DNAAF8: variants seen among roughly 807,000 people sequenced by gnomAD.
The protein encoded by DNAAF8 is dynein axonemal-associated protein 1.
DNAAF8 carries 61 observed loss-of-function variants against 54.6 expected under a neutral mutation model. The ratio of observed to expected loss-of-function variants is 1.12; its 90% CI spans 0.91 to 1.38. The LOEUF is 1.38. DNAAF8 is among the 40% of genes most tolerant of loss of function. The pLI is 0.00. For missense variants in DNAAF8, 837 were observed against 665.0 expected, an observed-to-expected ratio of 1.26 and a Z score of -2.85; for synonymous variants, 320 against 270.1, an observed-to-expected ratio of 1.18 and a Z score of -1.81.
intron 7 of DNAAF8, 152 bp from the exon 8 acceptor site, chr16:4,746,775 C>T: frequency 1.3e-6 from 1 of 794,258 alleles, no homozygotes; most frequent in African/African-American, 1.8e-5. Flanking sequence ...CACACCTGTC[C>T]TCACCTCCTG....
intron 3 of DNAAF8, 80 bp downstream of exon 3, chr16:4,738,026 C>T: frequency 3.4e-6 from 5 of 1,472,106 alleles, no homozygotes; most frequent in Non-Finnish European, 4.6e-6. Flanking sequence ...ACTGTTCTAG[C>T]ATTTCCACGA....
rs200704525 is a variant in DNAAF8 at position 4,747,597 on chromosome 16, C to G, written c.1535C>G (p.Ala512Gly). 4.3e-6 allele frequency: 7 copies of G among 1,609,752 alleles called. No individual in the cohort carries two copies. The East Asian group carries it at 1.3e-4, about 31-fold the overall frequency. The change falls in exon 9 of 10, where the codon GCC becomes GGC. Residue 512 changes from alanine to glycine, a missense_variant. Ala to Gly is a moderately conservative substitution (Grantham distance 60). Transcript: ENST00000299320. ...DVPEPGAAREALMPPLEQL is the reference protein window; with the variant it reads ...DVPEPGAAREGLMPPLEQL Reference sequence around the variant, plus strand: ...CCTGAGCCAGGGGCAGCCAGGGAGGCCCTGATGCCTCCTCTGGAGCAACTA... The same window carrying G: ...CCTGAGCCAGGGGCAGCCAGGGAGGGCCTGATGCCTCCTCTGGAGCAACTA...
chr16:4,747,302 C>T, intron 8 of DNAAF8, 41 bp from the exon 9 acceptor site: 1 of 1,519,490 alleles, frequency 6.6e-7, no homozygotes, highest in Non-Finnish European at 8.8e-7. Context: ...GGAGGGGCGG[C>T]CCCCACGGGG....
chr16:4,744,660 C>T (rs149813511), intron 5 of DNAAF8, among the ~76,000 whole-genome samples: 2 of 152,138 alleles, frequency 1.3e-5, no homozygotes, highest in East Asian at 3.9e-4. Context: ...TGCCACAGGC[C>T]CTGCTCATAA....
chr16:4,747,309 G>A lies in DNAAF8; in HGVS notation c.1281-34G>A, dbSNP rs370017246. 222 of 1,526,156 alleles carry A rather than the reference G, an allele frequency of 1.5e-4. No individual in the cohort carries two copies. The East Asian group carries it at 1.9e-3, about 13-fold the overall frequency. 94.5% of individuals were successfully genotyped at this position (1,526,156 alleles called of 1,614,324 possible). A position where few individuals can be genotyped will look rare whatever the true frequency, so the allele number is the denominator to read the frequency against. The stretch of plus-strand genomic sequence containing the variant: ...GAGGGCTGGGAGGGGCGGCCCCCAC[G>A]GGGTTGAGTGAATTTGGTCTCATTG... On this transcript the variant is annotated intron_variant, in intron 8 of 9. Coordinates refer to ENST00000299320, the MANE Select transcript of DNAAF8 (RefSeq NM_139170.3).
At chr16:4,745,087 A>G in intron 6 of DNAAF8, 76 bp downstream of exon 6, 3 of 1,530,116 alleles carry the variant, frequency 2.0e-6, no homozygotes, top group Non-Finnish European at 2.7e-6. Context: ...GACTGGGCCT[A>G]CCAAGGGCGG....
At chr16:4,745,922 C>T (rs1223799796) in intron 6 of DNAAF8, among the ~76,000 whole-genome samples, 3 of 140,876 alleles carry the variant, frequency 2.1e-5, no homozygotes, top group African/African-American at 7.7e-5. Flanking sequence ...CACTGCAGTC[C>T]AGCCTGGGCG....
rs750857372 is a variant in DNAAF8 at position 4,743,080 on chromosome 16, G to C, written c.821G>C (p.Ser274Thr). Residue 274 changes from serine (S) to threonine (T), a missense_variant, in exon 5 of 10, where the codon AGT becomes ACT. Ser to Thr is a moderately conservative substitution (Grantham distance 58, BLOSUM62 1). Transcript: ENST00000299320. ...EAWDLDDILQ[S>T]LAGQEDNQGN... Reference sequence around the variant, plus strand: ...TGGGATTTGGATGACATCCTTCAGAGTCTGGCGGGACAAGAAGACAACCAG... The same window carrying C: ...TGGGATTTGGATGACATCCTTCAGACTCTGGCGGGACAAGAAGACAACCAG... 12 of 1,612,530 alleles carry C rather than the reference G, an allele frequency of 7.4e-6. No homozygotes were observed. The highest frequency in any genetic ancestry group is 1.0e-5 in the Non-Finnish European group (12 of 1,179,282).
At position 4,737,914 on chromosome 16, in the gene DNAAF8, T is replaced by C. The variant is rs1348998976; in HGVS notation, c.244T>C (p.Trp82Arg). ...DPADGDKSRA[W>R]VAAAEESLPE... ...TGCCGATGGCGACAAGTCCAGGGCC[T>C]GGGTCGCTGCAGCTGAAGAGTCCCT... The change falls in exon 3 of 10, where the codon TGG (tryptophan) becomes CGG (arginine). Residue 82 changes from tryptophan to arginine, a missense_variant. By Grantham distance (101) the Trp-to-Arg change is moderately radical. Coordinates refer to ENST00000299320, the MANE Select transcript of DNAAF8 (RefSeq NM_139170.3). The C allele has an allele frequency of 6.2e-7, 1 of 1,614,218 alleles. No individual in the cohort carries two copies. Among genetic ancestry groups the C allele is most frequent in the East Asian group, 2.2e-5 (1 of 44,880 alleles).
rs775139625 is a variant in DNAAF8, at chr16:4,740,447, C to G, written c.571C>G (p.Gln191Glu). ...PKAEPLSTAS[Q>E]ESVNRRALRQ... is the part of the protein sequence containing the mutation. ...GGCAGAGCCCCTCAGCACTGCCTCA[C>G]AAGAATCTGTGAACCGCCGGGCCCT... The change falls in exon 4 of 10, where the codon CAA becomes GAA. Residue 191 changes from glutamine (Q) to glutamate (E), a missense_variant. Coordinates refer to ENST00000299320, the MANE Select transcript of DNAAF8 (RefSeq NM_139170.3). 1.9e-6 allele frequency: 3 copies of G among 1,613,876 alleles called. No homozygotes were observed. The East Asian group carries it at 6.7e-5, about 36-fold the overall frequency.
intron 6 of DNAAF8, chr16:4,746,111 AACTTAGCCACTTGTGCCAAGTGGCTAC>A (rs1352722757): frequency 1.0e-5 from 4 of 393,322 alleles, no homozygotes; most frequent in South Asian, 5.4e-5. Flanking sequence ...CTTAAATGTA[AACTTAGCCACTTGTGCCAAGTGGCTAC>A]ACTTACCACA....
Position 4,744,878 on chromosome 16 carries a change from G to C in DNAAF8, c.910G>C (p.Val304Leu), listed in dbSNP as rs986740864. ...ADHRQVQDRM[V>L]PSAHNRLMEQ... ...CCTTTGGCCATCCTCAGACCGCATG[G>C]TGCCGAGCGCCCACAACAGGCTCAT... The change falls in exon 6 of 10, where the codon GTG (valine) becomes CTG (leucine). Residue 304 changes from valine (V) to leucine (L), a missense_variant. Coordinates refer to ENST00000299320, the MANE Select transcript of DNAAF8 (RefSeq NM_139170.3). The C allele has an allele frequency of 3.1e-6, 5 of 1,612,976 alleles. No homozygotes were observed. The highest frequency in any genetic ancestry group is 4.2e-6 in the Non-Finnish European group (5 of 1,179,542).
chr16:4,747,135 C>G, intron 8 of DNAAF8, 110 bp downstream of exon 8: 1 of 1,238,848 alleles, frequency 8.1e-7, no homozygotes, highest in South Asian at 1.5e-5. Context: ...GCTGCACCCA[C>G]CGCACAGGGT....
chr16:4,736,667 A>G (rs199680776), intron 2 of DNAAF8, 24 bp downstream of exon 2: 2 of 1,535,088 alleles, frequency 1.3e-6, no homozygotes, highest in Non-Finnish European at 1.8e-6. Context: ...CTCTCCCTGG[A>G]TGCCTTGTCC....
At position 4,735,606 on chromosome 16, in the gene DNAAF8, T is replaced by C. The variant is rs142831083; in HGVS notation, c.-51-858T>C. Among the ~76,000 whole-genome samples, 229 of 148,760 alleles carry C rather than the reference T, an allele frequency of 1.5e-3. 1 individual carries two copies. The highest frequency in any genetic ancestry group is 5.2e-3 in the African/African-American group (210 of 40,172). Reference sequence around the variant, plus strand: ...CCATCTCCTTTAAGACTCTAAGATATAAATGCAGGGGCTGGTCAGAGTAGT... The same window carrying C: ...CCATCTCCTTTAAGACTCTAAGATACAAATGCAGGGGCTGGTCAGAGTAGT... On this transcript the variant is annotated intron_variant, in intron 1 of 9. Coordinates refer to ENST00000299320, the MANE Select transcript of DNAAF8 (RefSeq NM_139170.3).
chr16:4,737,639 CCGGATCTCCCCCAGGCTCCTGAG>C (rs1352908461), intron 2 of DNAAF8, among the ~76,000 whole-genome samples, 138 bp from the exon 3 acceptor site: 5 of 152,212 alleles, frequency 3.3e-5, no homozygotes, highest in African/African-American at 1.2e-4. Context: ...TGGGAGAGAA[CCGGATCTCCCCCAGGCTCCTGAG>C]CAGCAGGGCT....
In DNAAF8 at chr16:4,747,589, C is replaced by T; in HGVS notation, c.1527C>T (p.Ala509=). 1.9e-6 allele frequency: 3 copies of T among 1,610,510 alleles called. No homozygotes were observed. The highest frequency in any genetic ancestry group is 2.5e-6 in the Non-Finnish European group (3 of 1,179,194). The part of the protein sequence containing the change: ...ALGDVPEPGA[A]REALMPPLEQ... ...GGGATGTTCCTGAGCCAGGGGCAGC[C>T]AGGGAGGCCCTGATGCCTCCTCTGG... The change falls in exon 9 of 10, where the codon GCC becomes GCT. Residue 509 remains alanine (A), a synonymous_variant. Coordinates refer to ENST00000299320, the MANE Select transcript of DNAAF8 (RefSeq NM_139170.3).
intron 1 of DNAAF8, 106 bp from the exon 2 acceptor site, chr16:4,736,358 G>C (rs2081901623): frequency 1.3e-6 from 1 of 775,662 alleles, no homozygotes; most frequent in South Asian, 3.8e-5. Flanking sequence ...GAGGCAGGTG[G>C]TGAGGCCTGC....
intron 3 of DNAAF8, 108 bp downstream of exon 3, chr16:4,738,054 C>CTT: frequency 1.2e-5 from 14 of 1,197,796 alleles, no homozygotes; most frequent in Admixed American, 2.9e-5. Flanking sequence ...GAACATGGTC[C>CTT]TTTTTTTTTT....
Sources: allele counts gnomAD v4.1 joint callset (sites outside exome capture counted in the v4.1 genomes callset), GRCh38; gene constraint gnomAD v4.1.1; transcripts MANE v1.5; gene names NCBI Gene and HGNC (gene_info 2026-07-23, HGNC 2026-07-21).